Variants in ARL17B observed in about 807,000 individuals in gnomAD.
The protein encoded by ARL17B is ARF like GTPase 17B.
chr17:46,274,512 A>G (rs2049536397), downstream of ARL17B, among the ~76,000 whole-genome samples: 1 of 152,240 alleles, frequency 6.6e-6, no homozygotes, highest in South Asian at 2.1e-4. Flanking sequence ...GAAAGAAAAG[A>G]CATCTAGAGG....
At chr17:46,284,076 G>A (rs528704615) in intron 4 of ARL17B, among the ~76,000 whole-genome samples, 1 of 152,272 alleles carries the variant, frequency 6.6e-6, no homozygotes, top group African/African-American at 2.4e-5. Context: ...GCCCAGGGAC[G>A]GGCAGGAGAC....
At chr17:46,356,243 TTTAAAC>T (rs2052911987) in intron 2 of ARL17B, among the ~76,000 whole-genome samples, 2 of 78,178 alleles carry the variant, frequency 2.6e-5, no homozygotes, top group South Asian at 3.8e-4. Flanking sequence ...AACGTGGCTA[TTTAAAC>T]TTAAAGTTAA....
intron 2 of ARL17B, among the ~76,000 whole-genome samples, chr17:46,355,656 G>GT (rs1250978401): frequency 2.6e-3 from 52 of 20,154 alleles, no homozygotes; most frequent in South Asian, 5.3e-3. Flanking sequence ...GTTTTATTTT[G>GT]TTTTGTTTTT....
downstream of ARL17B, among the ~76,000 whole-genome samples, chr17:46,333,091 T>G (rs564043429): frequency 8.1e-6 from 1 of 124,012 alleles, no homozygotes; most frequent in African/African-American, 2.8e-5. Flanking sequence ...GACATACGTA[T>G]TGTCTTGTAG....
chr17:46,288,305 C>CT (rs78255121), intron 4 of ARL17B, among the ~76,000 whole-genome samples: 6,436 of 112,216 alleles, frequency 0.057, 355 homozygotes, highest in African/African-American at 0.084. Flanking sequence ...CCAGGCCCGG[C>CT]TTTTTTTTTT....
chr17:46,340,965 T>C (rs1598203409), intron 3 of ARL17B, among the ~76,000 whole-genome samples: 1 of 75,806 alleles, frequency 1.3e-5, no homozygotes, highest in Admixed American at 1.3e-4. Context: ...GGTTTTGAAC[T>C]CCTGGCCTCA....
intron 4 of ARL17B, among the ~76,000 whole-genome samples, chr17:46,283,508 T>C (rs561356808): frequency 3.3e-5 from 5 of 152,374 alleles, no homozygotes; most frequent in African/African-American, 1.2e-4. Flanking sequence ...ATGCGATACA[T>C]GAAATACTTT....
At chr17:46,277,653 C>CTTTCTTTCT (rs143961379) in intron 4 of ARL17B, among the ~76,000 whole-genome samples, 4,503 of 135,900 alleles carry the variant, frequency 0.033, 1 homozygote, top group Non-Finnish European at 0.048. Flanking sequence ...TTCTTTCTTT[C>CTTTCTTTCT]TTTTTTTTTT....
At position 46,324,798 on chromosome 17, in the gene ARL17B, C is replaced by G. The variant is rs2051638110; in HGVS notation, c.260-25133G>C. 2.6e-5 allele frequency among the ~76,000 whole-genome samples: 2 copies of G among 75,756 alleles called. 1 individual carries two copies. Among genetic ancestry groups the G allele is most frequent in the South Asian group, 1.2e-3 (2 of 1,650 alleles). 49.7% of individuals were successfully genotyped at this position (75,756 alleles called of 152,430 possible). A position where few individuals can be genotyped will look rare whatever the true frequency, so the allele number is the denominator to read the frequency against. ...GAGGTTGCAGTGAGCCAAGATGGCA[C>G]CACTGCACTCCAGCTTGGGTGACAG... On this transcript the variant is annotated intron_variant, in intron 3 of 4. Transcript: ENST00000434041.
intron 4 of ARL17B, among the ~76,000 whole-genome samples, chr17:46,278,601 A>G (rs1283776337): frequency 1.3e-5 from 2 of 151,182 alleles, no homozygotes. Flanking sequence ...ATGAGGTTTC[A>G]CCATCTTGGC....
At chr17:46,284,184 G>A (rs1179772309) in intron 4 of ARL17B, among the ~76,000 whole-genome samples, 2 of 152,214 alleles carry the variant, frequency 1.3e-5, no homozygotes, top group Admixed American at 6.5e-5. Flanking sequence ...GCTGGGGGAC[G>A]GTCAGGTCTT....
chr17:46,274,540 G>A (rs188794166), downstream of ARL17B, among the ~76,000 whole-genome samples: 162 of 152,290 alleles, frequency 1.1e-3, 1 homozygote, highest in Middle Eastern at 3.4e-3. Context: ...GTACTTTTAC[G>A]TACAGGAATC....
intron 4 of ARL17B, among the ~76,000 whole-genome samples, chr17:46,283,562 G>A (rs184985376): frequency 4.5e-4 from 69 of 152,354 alleles, no homozygotes; most frequent in African/African-American, 1.6e-3. Flanking sequence ...CCTAAGATGA[G>A]CTTCCTCTGC....
intron 4 of ARL17B, among the ~76,000 whole-genome samples, chr17:46,291,985 A>AAAAAAAAAACAAAAAAC (rs1360524355): frequency 1.3e-5 from 1 of 76,592 alleles, no homozygotes. Flanking sequence ...AAAAAAAAAA[A>AAAAAAAAAACAAAAAAC]AAGCCAATAA....
chr17:46,282,137 C>T (rs2049779348), intron 4 of ARL17B, among the ~76,000 whole-genome samples: 1 of 152,072 alleles, frequency 6.6e-6, no homozygotes, highest in Non-Finnish European at 1.5e-5. Context: ...GAGTCTCGCT[C>T]TGTCTCCCAG....
At chr17:46,341,126 T>C (rs2052520118) in intron 3 of ARL17B, among the ~76,000 whole-genome samples, 1 of 48,188 alleles carries the variant, frequency 2.1e-5, no homozygotes, top group African/African-American at 9.0e-5. Context: ...CATCTTCAGC[T>C]GGAGGTGAGC....
chr17:46,306,145 A>G lies in ARL17B; in HGVS notation c.260-6480T>C, dbSNP rs2050554699. 2 of 214,678 alleles carry G rather than the reference A, an allele frequency of 9.3e-6. 1 individual carries two copies. Among genetic ancestry groups the G allele is most frequent in the Admixed American group, 1.3e-4 (2 of 15,078 alleles). The allele number at this position is 214,678 out of a possible 1,614,324, so 13.3% of individuals were successfully genotyped here. A position where few individuals can be genotyped will look rare whatever the true frequency, so the allele number is the denominator to read the frequency against. On this transcript the variant is annotated intron_variant, in intron 3 of 4. Transcript: ENST00000434041. The stretch of plus-strand genomic sequence containing the variant: ...AGAGAAAGGATTGAGGTTATGTTCC[A>G]TCCTATATAAATTAGAATCATGGCA...
chr17:46,284,756 G>A (rs1429069049), intron 4 of ARL17B, among the ~76,000 whole-genome samples: 3 of 152,252 alleles, frequency 2.0e-5, no homozygotes, highest in African/African-American at 7.2e-5. Context: ...GAGATGTGAT[G>A]TTAGATAACA....
intron 4 of ARL17B, among the ~76,000 whole-genome samples, chr17:46,280,047 CCCTGAA>C (rs2049718269): frequency 8.9e-6 from 1 of 112,174 alleles, no homozygotes; most frequent in Non-Finnish European, 2.4e-5. Context: ...TCATTGCTTT[CCCTGAA>C]CCTCTTGTTT....
Sources: allele counts gnomAD v4.1 joint callset (sites outside exome capture counted in the v4.1 genomes callset), GRCh38; gene constraint gnomAD v4.1.1; transcripts MANE v1.5; gene names NCBI Gene and HGNC (gene_info 2026-07-23, HGNC 2026-07-21).